SLC14A2: variants seen among roughly 807,000 people sequenced by gnomAD.
The protein encoded by SLC14A2 is urea transporter 2.
In SLC14A2, 91 loss-of-function variants were observed where a neutral mutation model predicts 104.6. The observed-to-expected ratio is 0.87, with a 90% confidence interval of 0.73 to 1.04. The LOEUF (loss-of-function observed/expected upper bound fraction) is 1.04. SLC14A2 is among the 50% of genes least tolerant of loss of function. SLC14A2 has a pLI of 0.00. For synonymous variants in SLC14A2, 476 were observed against 466.4 expected, an observed-to-expected ratio of 1.02 and a Z score of -0.27; for missense variants, 1,189 against 1,156.0, an observed-to-expected ratio of 1.03 and a Z score of -0.41.
At chr18:45,611,271 TC>T (rs1470194802), upstream of SLC14A2, among the ~76,000 whole-genome samples, 1 of 152,192 alleles carries the variant, frequency 6.6e-6, no homozygotes, top group African/African-American at 2.4e-5. Context: ...ATGGTATCTG[TC>T]CCGATTTCTA....
chr18:45,250,710 C>A (rs1021244527), intron 1 of SLC14A2, among the ~76,000 whole-genome samples: 1 of 148,440 alleles, frequency 6.7e-6, no homozygotes. Context: ...GCTGAATGTT[C>A]CTGTACTTGT....
At chr18:45,447,712 C>T (rs1033974477) in intron 1 of SLC14A2, 2 of 152,142 alleles carry the variant, frequency 1.3e-5, no homozygotes, top group African/African-American at 2.4e-5. Context: ...AATGCATGGA[C>T]TTTGAGATCT....
chr18:45,182,683 T>C, the SLC14A2 span, among the ~76,000 whole-genome samples: 23 of 151,938 alleles, frequency 1.5e-4, no homozygotes, highest in African/African-American at 5.5e-4. Flanking sequence ...TACAAAAATA[T>C]ATAAAGCAAC....
At chr18:45,232,561 T>C (rs1225394607) in intron 1 of SLC14A2, among the ~76,000 whole-genome samples, 1 of 152,202 alleles carries the variant, frequency 6.6e-6, no homozygotes, top group Non-Finnish European at 1.5e-5. Flanking sequence ...TTTAGACATA[T>C]GGAAGAATTA....
intron 1 of SLC14A2, among the ~76,000 whole-genome samples, chr18:45,379,758 C>A (rs984331762): frequency 6.6e-6 from 1 of 152,186 alleles, no homozygotes; most frequent in Non-Finnish European, 1.5e-5. Context: ...AAAATCCTCC[C>A]CACTGAGTCT....
chr18:45,527,401 A>T (rs2043609379), intron 2 of SLC14A2, among the ~76,000 whole-genome samples: 1 of 152,198 alleles, frequency 6.6e-6, no homozygotes, highest in South Asian at 2.1e-4. Flanking sequence ...CTCATTTATT[A>T]TAGATGATGT....
rs989090400 is a variant in SLC14A2 at position 45,273,769 on chromosome 18, T to C, written c.-125+60578T>C. 2.6e-5 allele frequency among the ~76,000 whole-genome samples: 4 copies of C among 152,150 alleles called. No individual in the cohort carries two copies. The South Asian group carries it at 8.3e-4, about 32-fold the overall frequency. On this transcript the variant is annotated intron_variant, in intron 1 of 20. Coordinates refer to the SLC14A2 transcript ENST00000586448. ...CAATGTGTTAGCACAGATTGTACTT[T>C]GGGTGACACAAAATTCTCTTCTCGT... is the stretch of plus-strand genomic sequence containing the variant.
At chr18:45,488,922 C>G (rs1161177056) in intron 2 of SLC14A2, among the ~76,000 whole-genome samples, 1 of 152,202 alleles carries the variant, frequency 6.6e-6, no homozygotes, top group Non-Finnish European at 1.5e-5. Flanking sequence ...TCCAGATGGA[C>G]AAGACGAACT....
At chr18:45,478,979 G>A (rs1223731821) in intron 1 of SLC14A2, among the ~76,000 whole-genome samples, 1 of 152,166 alleles carries the variant, frequency 6.6e-6, no homozygotes, top group South Asian at 2.1e-4. Context: ...CCCAAAAGAC[G>A]GTGTTGGTTC....
chr18:45,594,923 A>G (rs1018893972), intron 2 of SLC14A2, among the ~76,000 whole-genome samples: 2 of 152,142 alleles, frequency 1.3e-5, no homozygotes, highest in African/African-American at 4.8e-5. Flanking sequence ...CCACACCTGC[A>G]CAACTTCCCC....
intron 1 of SLC14A2, among the ~76,000 whole-genome samples, chr18:45,321,880 G>T (rs919506627): frequency 1.3e-5 from 2 of 152,178 alleles, no homozygotes; most frequent in Non-Finnish European, 2.9e-5. Flanking sequence ...GTTCTGTCTG[G>T]CTGATTCTGC....
intron 1 of SLC14A2, among the ~76,000 whole-genome samples, chr18:45,433,598 G>C (rs1366440674): frequency 6.6e-6 from 1 of 152,138 alleles, no homozygotes; most frequent in Non-Finnish European, 1.5e-5. Flanking sequence ...TAGAAAACTG[G>C]AAACAGGTGA....
intron 1 of SLC14A2, among the ~76,000 whole-genome samples, chr18:45,456,242 G>A (rs1598846474): frequency 6.6e-6 from 1 of 152,300 alleles, no homozygotes; most frequent in South Asian, 2.1e-4. Flanking sequence ...GGCAGAGGAA[G>A]AGGAAGAGGA....
intron 1 of SLC14A2, among the ~76,000 whole-genome samples, chr18:45,434,681 GT>G (rs2086568568): frequency 3.3e-5 from 5 of 152,136 alleles, no homozygotes; most frequent in African/African-American, 1.2e-4. Context: ...TTGAAAAATA[GT>G]TTAAAAAACC....
chr18:45,300,579 T>C (rs1288143911), intron 1 of SLC14A2, among the ~76,000 whole-genome samples: 1 of 152,216 alleles, frequency 6.6e-6, no homozygotes, highest in African/African-American at 2.4e-5. Flanking sequence ...GGATAGATGA[T>C]GCAGGGGATG....
intron 1 of SLC14A2, among the ~76,000 whole-genome samples, chr18:45,228,159 G>A (rs529129958): frequency 2.6e-4 from 39 of 152,328 alleles, no homozygotes; most frequent in Non-Finnish European, 4.9e-4. Flanking sequence ...GTGACAGGAT[G>A]TGGGATGATT....
intron 2 of SLC14A2, among the ~76,000 whole-genome samples, chr18:45,590,640 T>C (rs1045926839): frequency 6.6e-6 from 1 of 152,116 alleles, no homozygotes; most frequent in Non-Finnish European, 1.5e-5. Context: ...CCCTGGAATG[T>C]AAGGGCAGAC....
At chr18:45,178,294 G>GTCTT in the SLC14A2 span, among the ~76,000 whole-genome samples, 1 of 152,168 alleles carries the variant, frequency 6.6e-6, no homozygotes, top group Admixed American at 6.6e-5. Context: ...TTAAGCACTA[G>GTCTT]AATTCAGTCT....
intron 2 of SLC14A2, among the ~76,000 whole-genome samples, chr18:45,565,283 C>T (rs2044251388): frequency 6.6e-6 from 1 of 152,068 alleles, no homozygotes. Context: ...CGCCACCAAG[C>T]CCTGCTAATT....
Sources: gnomAD v4.1 joint callset for allele counts (sites outside exome capture counted in the v4.1 genomes callset) on GRCh38, gnomAD v4.1.1 for gene constraint, MANE v1.5 for transcripts, NCBI Gene and HGNC (gene_info 2026-07-23, HGNC 2026-07-21) for gene names.